FLT1: variants seen among roughly 807,000 people sequenced by gnomAD.
The protein encoded by FLT1 is fms related receptor tyrosine kinase 1, also known as vascular endothelial growth factor receptor 1.
In FLT1, 49 loss-of-function variants were observed where a neutral mutation model predicts 156.3. The observed-to-expected ratio is 0.31, with a 90% CI of 0.25 to 0.40. FLT1 has a LOEUF of 0.40. FLT1 is among the 10% of genes least tolerant of loss of function. The pLI, the probability that FLT1 is intolerant of heterozygous loss-of-function variation, is 1.00. For missense variants in FLT1, 1,322 were observed against 1,637.2 expected, an observed-to-expected ratio of 0.81 and a Z score of 3.32; for synonymous variants, 594 against 583.8, an observed-to-expected ratio of 1.02 and a Z score of -0.25.
intron 11 of FLT1, 56 bp from the exon 12 acceptor site, chr13:28,397,124 C>T: frequency 3.1e-6 from 3 of 972,686 alleles, no homozygotes; most frequent in Non-Finnish European, 5.0e-6. Flanking sequence ...AATTGAACAC[C>T]CCAAGCTACT....
intron 3 of FLT1, among the ~76,000 whole-genome samples, chr13:28,464,487 A>G (rs1159926115): frequency 6.6e-6 from 1 of 152,266 alleles, no homozygotes; most frequent in Admixed American, 6.5e-5. Flanking sequence ...AGTATTCCAC[A>G]AAGCACCTGT....
intron 17 of FLT1, 107 bp downstream of exon 17, chr13:28,339,061 G>T: frequency 1.0e-6 from 1 of 996,776 alleles, no homozygotes; most frequent in Non-Finnish European, 1.5e-6. Flanking sequence ...AGCAGCTGGA[G>T]GGTAGAATCC....
chr13:28,433,755 C>T (rs1877845260), intron 6 of FLT1, 64 bp downstream of exon 6: 3 of 1,490,684 alleles, frequency 2.0e-6, no homozygotes, highest in Non-Finnish European at 9.4e-7. Context: ...TCTCAAAACC[C>T]CTGCGGGATT....
intron 23 of FLT1, among the ~76,000 whole-genome samples, chr13:28,320,543 A>AT (rs553762800): frequency 3.3e-4 from 44 of 131,344 alleles, no homozygotes; most frequent in African/African-American, 8.9e-4. Flanking sequence ...ATTTGTTTGC[A>AT]TTTTTTTTTT....
intron 20 of FLT1, among the ~76,000 whole-genome samples, chr13:28,324,535 G>A (rs1871599304): frequency 6.6e-6 from 1 of 152,238 alleles, no homozygotes; most frequent in African/African-American, 2.4e-5. Flanking sequence ...AGGCCTCAGA[G>A]TGAATACCCA....
intron 14 of FLT1, among the ~76,000 whole-genome samples, chr13:28,382,232 C>T (rs1874109936): frequency 1.3e-5 from 2 of 152,252 alleles, no homozygotes; most frequent in Non-Finnish European, 1.5e-5. Context: ...AGAGAACACC[C>T]AATCTGGGTC....
intron 1 of FLT1, among the ~76,000 whole-genome samples, chr13:28,473,718 GAAAGAAAGAAA>G (rs1880330963): frequency 1.2e-5 from 1 of 81,008 alleles, no homozygotes; most frequent in South Asian, 4.2e-4. Flanking sequence ...AAGAAAGAAA[GAAAGAAAGAAA>G]GAAGGAAGGA....
chr13:28,440,486 A>G (rs1408976351), intron 3 of FLT1, among the ~76,000 whole-genome samples: 2 of 152,200 alleles, frequency 1.3e-5, no homozygotes, highest in African/African-American at 4.8e-5. Context: ...GCAGGTGACA[A>G]TGGTTTTTCA....
chr13:28,379,469 G>T (rs1256747907), intron 14 of FLT1, among the ~76,000 whole-genome samples: 3 of 152,220 alleles, frequency 2.0e-5, no homozygotes, highest in Non-Finnish European at 4.4e-5. Flanking sequence ...AAAGGAAAAA[G>T]TGAGGAAGAG....
chr13:28,431,690 C>T (rs1877692898), intron 6 of FLT1, among the ~76,000 whole-genome samples: 1 of 151,962 alleles, frequency 6.6e-6, no homozygotes, highest in African/African-American at 2.4e-5. Flanking sequence ...AATCTAGTGT[C>T]CTTCCTCTGG....
chr13:28,404,043 CAAA>C lies in FLT1; in HGVS notation c.1551+1734_1551+1736del, dbSNP rs67298705. ...AGCAACAGAGTGAGACTCTTTGTCT[CAAA>C]AAAAAAAAAAAGAAAGAAAGAAAGA... On this transcript the variant is annotated intron_variant, in intron 11 of 29. Transcript: ENST00000282397. Among the ~76,000 whole-genome samples the C allele has an allele frequency of 1.1e-4, 15 of 139,714 alleles. No homozygotes were observed. The South Asian group carries it at 1.4e-3, about 13-fold the overall frequency. The allele number at this position is 139,714 out of a possible 152,430, so 91.7% of individuals were successfully genotyped here. A position where few individuals can be genotyped will look rare whatever the true frequency, so the allele number is the denominator to read the frequency against.
At chr13:28,318,795 T>C (rs1285357864) in intron 24 of FLT1, among the ~76,000 whole-genome samples, 1 of 152,220 alleles carries the variant, frequency 6.6e-6, no homozygotes, top group Non-Finnish European at 1.5e-5. Flanking sequence ...TCACTGTGTG[T>C]CTGCAAGCAG....
At chr13:28,334,483 G>A (rs932588864) in intron 17 of FLT1, among the ~76,000 whole-genome samples, 4 of 152,304 alleles carry the variant, frequency 2.6e-5, no homozygotes, top group African/African-American at 9.6e-5. Context: ...AGACTTCCCT[G>A]TGTGGAACCT....
Position 28,441,295 on chromosome 13 carries a change from A to G in FLT1, c.389-2950T>C, listed in dbSNP as rs529005378. ...ATGTGGACAGCCCATCCCAAAGGAAAAATCAGGGGAAAATAAACACAAACC... is the reference window on the plus strand; with the variant it reads ...ATGTGGACAGCCCATCCCAAAGGAAGAATCAGGGGAAAATAAACACAAACC... On this transcript the variant is annotated intron_variant, in intron 3 of 29. Coordinates refer to ENST00000282397, the MANE Select transcript of FLT1 (RefSeq NM_002019.4). Among the ~76,000 whole-genome samples the G allele has an allele frequency of 3.3e-5, 5 of 152,308 alleles. No homozygotes were observed. The South Asian group carries it at 1.0e-3, about 32-fold the overall frequency.
chr13:28,349,201 G>C (rs559680208), intron 15 of FLT1, among the ~76,000 whole-genome samples: 2 of 152,200 alleles, frequency 1.3e-5, no homozygotes, highest in Non-Finnish European at 2.9e-5. Context: ...CCTGAAAATA[G>C]TGGTCAAATG....
At position 28,357,619 on chromosome 13, in the gene FLT1, A is replaced by G. The variant is rs1221543350; in HGVS notation, c.2183T>C (p.Val728Ala). The change falls in exon 15 of 30, where the codon GTC (valine) becomes GCC (alanine). Residue 728 changes from valine to alanine, a missense_variant. Physicochemically the swap from Val to Ala is moderately conservative, Grantham distance 64. Around this residue, in one of 3 missense-constraint regions of FLT1, gnomAD observed 991 missense variants for 1,254.8 expected, o/e 0.79. Coordinates refer to ENST00000282397, the MANE Select transcript of FLT1 (RefSeq NM_002019.4). ...IERVTEEDEG[V>A]YHCKATNQKG... is the part of the protein sequence containing the mutation. ...CTGGTTGGTGGCTTTGCAGTGATAG[A>G]CACCTTCATCCTCTTCTGTGACTCT... 1.2e-6 allele frequency: 2 copies of G among 1,613,176 alleles called. No homozygotes were observed. The highest frequency in any genetic ancestry group is 1.7e-6 in the Non-Finnish European group (2 of 1,179,170).
At chr13:28,480,951 C>T (rs1318337137) in intron 1 of FLT1, among the ~76,000 whole-genome samples, 1 of 152,218 alleles carries the variant, frequency 6.6e-6, no homozygotes, top group Non-Finnish European at 1.5e-5. Context: ...GATGCGTTAG[C>T]CAGGACTTCA....
chr13:28,389,647 CAGT>C (rs1388916846), intron 13 of FLT1, 146 bp downstream of exon 13: 1 of 1,500,802 alleles, frequency 6.7e-7, no homozygotes, highest in Non-Finnish European at 8.9e-7. Flanking sequence ...AAGTTAGCAA[CAGT>C]GACAATAAAT....
Position 28,490,889 on chromosome 13 carries a change from G to A in FLT1, c.64+3891C>T, listed in dbSNP as rs541535362. 1.8e-3 allele frequency among the ~76,000 whole-genome samples: 280 copies of A among 152,278 alleles called. 1 individual carries two copies. The highest frequency in any genetic ancestry group is 7.5e-4 in the Non-Finnish European group (51 of 68,020). On this transcript the variant is annotated intron_variant, in intron 1 of 29. Coordinates refer to ENST00000282397, the MANE Select transcript of FLT1 (RefSeq NM_002019.4). ...ACTGTGAGATCCAAACCAAGAATTAGACACGCCTGGCCTCTACTAACACCA... is the reference window on the plus strand; with the variant it reads ...ACTGTGAGATCCAAACCAAGAATTAAACACGCCTGGCCTCTACTAACACCA...
Sources: allele counts gnomAD v4.1 joint callset (sites outside exome capture counted in the v4.1 genomes callset), GRCh38; gene constraint gnomAD v4.1.1; regional missense constraint gnomAD v4.1.1; transcripts MANE v1.5; gene names NCBI Gene and HGNC (gene_info 2026-07-23, HGNC 2026-07-21).